Variants in SYNE1 observed in about 807,000 individuals in gnomAD.
The protein encoded by SYNE1 is nesprin-1.
In SYNE1, 616 loss-of-function variants were observed where a neutral mutation model predicts 1,111.0. The ratio of observed to expected loss-of-function variants is 0.55; its 90% CI spans 0.52 to 0.59. The LOEUF (loss-of-function observed/expected upper bound fraction) is 0.59. Among genes scored for constraint, SYNE1 ranks in the 20% least tolerant of loss-of-function variants. The probability of loss-of-function intolerance (pLI) is 0.00; values close to 1 mark genes in which losing one functional copy is unlikely to be tolerated. For synonymous variants in SYNE1, 3,855 were observed against 3,825.8 expected (o/e 1.01, Z -0.28); for missense variants, 10,006 against 10,417.0 (o/e 0.96, Z 1.72).
At chr6:152,351,354 C>T (rs1167102538) in intron 70 of SYNE1, among the ~76,000 whole-genome samples, 1 of 152,172 alleles carries the variant, frequency 6.6e-6, no homozygotes, top group Non-Finnish European at 1.5e-5. Context: ...CAGAAGCTTC[C>T]AACAGGGAAA....
Position 152,214,909 on chromosome 6 carries a change from A to T in SYNE1, c.22343T>A (p.Phe7448Tyr). 1 of 1,614,116 alleles carries T rather than the reference A, an allele frequency of 6.2e-7. No individual in the cohort carries two copies. Residue 7448 changes from phenylalanine to tyrosine, a missense_variant, in exon 122 of 146, where the codon TTC becomes TAC. Phe to Tyr is a conservative substitution (Grantham distance 22). Coordinates refer to ENST00000367255, the MANE Select transcript of SYNE1 (RefSeq NM_182961.4). ...SLISSQTTER[F>Y]SKLQSFLLQH... ...AGACATCTCTTGTTTACTCTACCTG[A>T]ATCTTTCTGTAGTCTGAGAGGAGAT... is the stretch of plus-strand genomic sequence containing the variant.
chr6:152,269,927 A>G (rs1422496382), intron 98 of SYNE1, among the ~76,000 whole-genome samples: 2 of 152,218 alleles, frequency 1.3e-5, no homozygotes, highest in African/African-American at 4.8e-5. Context: ...CATAGAGGCA[A>G]GGAGTCTAAA....
rs117206165 is a variant in SYNE1, at chr6:152,445,840, A to G, written c.3670-1262T>C. On this transcript the variant is annotated intron_variant, in intron 29 of 145. Transcript: ENST00000367255. ...CACATCCATCTCTTCATACAAATCT[A>G]TCTGTAAACAAAATGTGTTTTTCTC... 2.8e-3 allele frequency among the ~76,000 whole-genome samples: 431 copies of G among 152,234 alleles called. 2 individuals are homozygous for G. Among genetic ancestry groups the G allele is most frequent in the Middle Eastern group, 6.8e-3 (2 of 294 alleles).
intron 93 of SYNE1, among the ~76,000 whole-genome samples, chr6:152,294,893 A>C (rs2094794486): frequency 6.6e-6 from 1 of 152,196 alleles, no homozygotes; most frequent in Admixed American, 6.5e-5. Context: ...ATGGTTATTT[A>C]TCTGTATTTC....
At chr6:152,254,419 T>A (rs1054602931) in intron 104 of SYNE1, among the ~76,000 whole-genome samples, 1 of 151,724 alleles carries the variant, frequency 6.6e-6, no homozygotes, top group Non-Finnish European at 1.5e-5. Flanking sequence ...CCCTGCTAAT[T>A]TTTGTATTTT....
At chr6:152,181,682 T>C (rs1269499826) in intron 128 of SYNE1, among the ~76,000 whole-genome samples, 1 of 152,236 alleles carries the variant, frequency 6.6e-6, no homozygotes, top group Non-Finnish European at 1.5e-5. Context: ...TGTATGAATA[T>C]ACCACATTGC....
chr6:152,446,557 T>C (rs1225724552), intron 29 of SYNE1, among the ~76,000 whole-genome samples: 1 of 152,210 alleles, frequency 6.6e-6, no homozygotes, highest in Non-Finnish European at 1.5e-5. Context: ...GAGAAATCTC[T>C]GTGGAGAATT....
intron 3 of SYNE1, among the ~76,000 whole-genome samples, chr6:152,572,163 A>C (rs910104068): frequency 1.3e-5 from 2 of 152,202 alleles, no homozygotes; most frequent in Admixed American, 1.3e-4. Context: ...TGATATTTCT[A>C]TTGTCATTGC....
chr6:152,482,084 T>C (rs558599959), intron 14 of SYNE1, among the ~76,000 whole-genome samples: 2 of 152,094 alleles, frequency 1.3e-5, no homozygotes, highest in African/African-American at 4.8e-5. Context: ...CCCTGAGTGA[T>C]GGCCTCTGCA....
chr6:152,298,978 C>G (rs1424983977), intron 93 of SYNE1, among the ~76,000 whole-genome samples: 1 of 152,108 alleles, frequency 6.6e-6, no homozygotes, highest in East Asian at 1.9e-4. Context: ...TGATGTTTTC[C>G]TGTGACTAGG....
intron 4 of SYNE1, among the ~76,000 whole-genome samples, chr6:152,529,837 T>C (rs2099187217): frequency 1.3e-5 from 2 of 151,702 alleles, no homozygotes; most frequent in African/African-American, 4.8e-5. Context: ...AGGGTTTTAC[T>C]GGGGGGTCTA....
In SYNE1 at chr6:152,404,189, T is replaced by G. The variant is rs1465651782; in HGVS notation, c.6825+24A>C. The G allele has an allele frequency of 3.2e-6, 5 of 1,546,340 alleles. No individual in the cohort carries two copies. The Admixed American group carries it at 8.4e-5, about 26-fold the overall frequency. On this transcript the variant is annotated intron_variant, in intron 46 of 145. Transcript: ENST00000367255. ...AGTAATTACAAAATGGATGGAAGTC[T>G]AGTAGTTATTACAAAATGCTTACCT...
chr6:152,309,838 CATG>C lies in SYNE1; in HGVS notation c.17196_17198del (p.Ile5732del), dbSNP rs1562958228. On this transcript the variant is annotated inframe_deletion, in exon 90 of 146. Coordinates refer to ENST00000367255, the MANE Select transcript of SYNE1 (RefSeq NM_182961.4). ...GGTGTGGGTACCCTGCACCTGCCTGCATGATGTTACACTGCTGGATGGCGGTGT... is the reference window on the plus strand; with the variant it reads ...GGTGTGGGTACCCTGCACCTGCCTGCATGTTACACTGCTGGATGGCGGTGT... The C allele has an allele frequency of 6.2e-7, 1 of 1,613,852 alleles. No individual in the cohort carries two copies. Among genetic ancestry groups the C allele is most frequent in the African/African-American group, 1.3e-5 (1 of 75,060 alleles).
chr6:152,166,822 G>A (rs2153049270), intron 130 of SYNE1, among the ~76,000 whole-genome samples: 1 of 152,304 alleles, frequency 6.6e-6, no homozygotes, highest in East Asian at 1.9e-4. Flanking sequence ...GGGAGCAGAG[G>A]TGAGCCTGTA....
chr6:152,225,299 A>ACG (rs759428174), intron 116 of SYNE1, among the ~76,000 whole-genome samples: 9 of 120,694 alleles, frequency 7.5e-5, no homozygotes, highest in South Asian at 2.9e-4. Context: ...ACACACACAC[A>ACG]CACGCACACA....
Position 152,122,355 on chromosome 6 carries a change from C to G in SYNE1, c.*81G>C. Reference sequence around the variant, plus strand: ...CGAGGGCTTTCGCCAAGATCAAGGTCCTCTTGTTGGTAGTTTGGGATTGCT... The same window carrying G: ...CGAGGGCTTTCGCCAAGATCAAGGTGCTCTTGTTGGTAGTTTGGGATTGCT... On this transcript the variant is annotated 3_prime_UTR_variant, in exon 146 of 146. Coordinates refer to ENST00000367255, the MANE Select transcript of SYNE1 (RefSeq NM_182961.4). 1 of 1,610,596 alleles carries G rather than the reference C, an allele frequency of 6.2e-7. No individual in the cohort carries two copies. Among genetic ancestry groups the G allele is most frequent in the Non-Finnish European group, 8.5e-7 (1 of 1,178,948 alleles).
At chr6:152,414,348 G>A (rs768029879) in intron 41 of SYNE1, among the ~76,000 whole-genome samples, 5 of 151,980 alleles carry the variant, frequency 3.3e-5, no homozygotes, top group African/African-American at 9.7e-5. Flanking sequence ...GTTTGAGGCC[G>A]CAGTGAGCCA....
At chr6:152,381,507 A>C (rs1326617220) in intron 55 of SYNE1, 145 bp from the exon 56 acceptor site, 1 of 826,584 alleles carries the variant, frequency 1.2e-6, no homozygotes, top group African/African-American at 1.7e-5. Flanking sequence ...TCATCTGTCC[A>C]CTCTTAAATT....
intron 30 of SYNE1, among the ~76,000 whole-genome samples, chr6:152,443,516 G>A (rs553568261): frequency 7.3e-4 from 111 of 152,086 alleles, no homozygotes; most frequent in Non-Finnish European, 1.2e-3. Context: ...CGCCCGCCTC[G>A]GCCTCCCAAA....
Sources: gnomAD v4.1 joint callset for allele counts (sites outside exome capture counted in the v4.1 genomes callset) on GRCh38, gnomAD v4.1.1 for gene constraint, MANE v1.5 for transcripts, NCBI Gene and HGNC (gene_info 2026-07-23, HGNC 2026-07-21) for gene names.